Variants in HAPSTR1 observed in about 807,000 individuals in gnomAD.
HAPSTR1 encodes the protein HUWE1 associated protein modifying stress responses.
chr16:9,113,814 T>A, the HAPSTR1 span, among the ~76,000 whole-genome samples: 1 of 151,956 alleles, frequency 6.6e-6, no homozygotes, highest in Non-Finnish European at 1.5e-5. Context: ...GGTAGAACTT[T>A]AAAAAAAAGC....
chr16:9,120,760 C>T, the HAPSTR1 span: 1 of 150,062 alleles, frequency 6.7e-6, no homozygotes, highest in East Asian at 2.0e-4. Flanking sequence ...TCACCACAAC[C>T]TCTGCCTCCT....
At chr16:9,121,258 T>C in the HAPSTR1 span, 1 of 152,178 alleles carries the variant, frequency 6.6e-6, no homozygotes, top group Non-Finnish European at 1.5e-5. Context: ...CTGGCCTATG[T>C]TTTAAGTTTC....
At chr16:9,119,036 T>TTA in the HAPSTR1 span, 1 of 152,682 alleles carries the variant, frequency 6.5e-6, no homozygotes, top group Non-Finnish European at 1.5e-5. Flanking sequence ...AGAACACAAT[T>TTA]TATATGCCTT....
At chr16:9,111,854 TC>T in the HAPSTR1 span, 3 of 152,254 alleles carry the variant, frequency 2.0e-5, no homozygotes, top group Non-Finnish European at 4.4e-5. Flanking sequence ...AGTCTTTTTT[TC>T]AATGTATAAA....
chr16:9,097,827 C>A, the HAPSTR1 span, among the ~76,000 whole-genome samples: 2 of 152,176 alleles, frequency 1.3e-5, no homozygotes, highest in Admixed American at 1.3e-4. Context: ...CATCTCTTGG[C>A]CATAACGGGG....
the HAPSTR1 span, chr16:9,121,530 G>A: frequency 6.6e-6 from 1 of 152,176 alleles, no homozygotes; most frequent in African/African-American, 2.4e-5. Flanking sequence ...TTTGAATGCT[G>A]ACTCTACTAC....
At chr16:9,115,083 T>G in the HAPSTR1 span, among the ~76,000 whole-genome samples, 1 of 151,974 alleles carries the variant, frequency 6.6e-6, no homozygotes, top group Non-Finnish European at 1.5e-5. Flanking sequence ...AGTGCGGAGT[T>G]GAGCACCTCA....
the HAPSTR1 span, chr16:9,092,095 C>G: frequency 1.4e-4 from 220 of 1,547,026 alleles, 1 homozygote; most frequent in African/African-American, 2.2e-3. Context: ...AGCACGGGCC[C>G]GAGCACTGGT....
At chr16:9,112,171 G>A in the HAPSTR1 span, 1 of 152,110 alleles carries the variant, frequency 6.6e-6, no homozygotes, top group African/African-American at 2.4e-5. Flanking sequence ...CTTTTTAAAT[G>A]TTTGAACTCC....
chr16:9,115,250 A>T, the HAPSTR1 span, among the ~76,000 whole-genome samples: 1 of 152,254 alleles, frequency 6.6e-6, no homozygotes, highest in Non-Finnish European at 1.5e-5. Context: ...CTTAAAATTC[A>T]AATTTAAACT....
At chr16:9,102,109 C>T in the HAPSTR1 span, among the ~76,000 whole-genome samples, 2 of 151,782 alleles carry the variant, frequency 1.3e-5, no homozygotes, top group Non-Finnish European at 2.9e-5. Flanking sequence ...GACTCCGTCT[C>T]AAAAAATAAA....
chr16:9,115,338 A>C, the HAPSTR1 span, among the ~76,000 whole-genome samples: 3 of 152,200 alleles, frequency 2.0e-5, no homozygotes, highest in African/African-American at 7.2e-5. Context: ...AAAATCTTAT[A>C]AGTCCTATTC....
chr16:9,103,542 T>C, the HAPSTR1 span: 34 of 319,656 alleles, frequency 1.1e-4, no homozygotes, highest in East Asian at 2.5e-4. Context: ...TTTACACTTA[T>C]GTGTTGTACG....
the HAPSTR1 span, among the ~76,000 whole-genome samples, chr16:9,115,789 T>C: frequency 6.6e-6 from 1 of 152,056 alleles, no homozygotes; most frequent in East Asian, 1.9e-4. Context: ...AATTTTTGTA[T>C]TTTTTAGTAG....
At chr16:9,109,291 T>G in the HAPSTR1 span, 2 of 152,146 alleles carry the variant, frequency 1.3e-5, no homozygotes, top group South Asian at 4.1e-4. Flanking sequence ...CATTCTGAGG[T>G]ATAATCATGA....
chr16:9,092,808 T>C, the HAPSTR1 span: 14 of 1,131,418 alleles, frequency 1.2e-5, no homozygotes, highest in East Asian at 2.0e-4. Context: ...AAACCTAATA[T>C]GGCCGTTCCG....
the HAPSTR1 span, chr16:9,110,209 A>C: frequency 6.8e-6 from 1 of 147,358 alleles, no homozygotes; most frequent in Non-Finnish European, 1.5e-5. Context: ...CTTACATGGA[A>C]CTTCTTATTC....
chr16:9,109,295 A>G, the HAPSTR1 span: 1 of 152,072 alleles, frequency 6.6e-6, no homozygotes, highest in Non-Finnish European at 1.5e-5. Context: ...CTGAGGTATA[A>G]TCATGAGGGT....
the HAPSTR1 span, among the ~76,000 whole-genome samples, chr16:9,095,210 A>G: frequency 3.6e-3 from 542 of 152,278 alleles, 1 homozygote; most frequent in African/African-American, 0.012. Context: ...TGATAGTGCA[A>G]CGTTTTCTTA....
Sources: allele counts gnomAD v4.1 joint callset (sites outside exome capture counted in the v4.1 genomes callset), GRCh38; gene constraint gnomAD v4.1.1; transcripts MANE v1.5; gene names NCBI Gene and HGNC (gene_info 2026-07-23, HGNC 2026-07-21).